Variants in MED13L observed in about 807,000 individuals in gnomAD.
MED13L encodes mediator complex subunit 13L, also known as mediator of RNA polymerase II transcription subunit 13-like.
In MED13L, 7 loss-of-function variants were observed where a neutral mutation model predicts 220.9. That is an observed-to-expected ratio of 0.03 (90% CI 0.02 to 0.06). The LOEUF (loss-of-function observed/expected upper bound fraction) is 0.06. Among genes scored for constraint, MED13L ranks in the 10% least tolerant of loss-of-function variants. The pLI, the probability that MED13L is intolerant of heterozygous loss-of-function variation, is 1.00. For synonymous variants in MED13L, 1,011 were observed against 1,015.2 expected (o/e 1.00, Z 0.08); for missense variants, 1,965 against 2,760.5 (o/e 0.71, Z 6.46).
At chr12:116,115,277 G>A (rs1251546692) in intron 2 of MED13L, among the ~76,000 whole-genome samples, 13 of 152,114 alleles carry the variant, frequency 8.5e-5, no homozygotes, top group South Asian at 2.1e-4. Context: ...CAACAAAGGT[G>A]CCAAGGCAAT....
chr12:116,253,160 G>T (rs777155273), intron 1 of MED13L, among the ~76,000 whole-genome samples: 7 of 150,396 alleles, frequency 4.7e-5, no homozygotes, highest in Non-Finnish European at 8.8e-5. Flanking sequence ...TACTTGGGAG[G>T]CTGAGGCAGG....
chr12:115,962,434 C>A (rs555846255), intron 30 of MED13L, among the ~76,000 whole-genome samples: 1 of 152,172 alleles, frequency 6.6e-6, no homozygotes, highest in Non-Finnish European at 1.5e-5. Context: ...TCACTTGCTA[C>A]TTACCGCATG....
chr12:116,007,296 G>C (rs1171144514), intron 11 of MED13L, 115 bp downstream of exon 11: 1 of 915,678 alleles, frequency 1.1e-6, no homozygotes. Flanking sequence ...TATGGGGACA[G>C]AGCAATCAGG....
rs1875725505 is a variant in MED13L, at chr12:115,961,058, T to A, written c.*208A>T. ...CTGAAAGTCACCACTTATGGAAGTT[T>A]CCAGGTCCATGAGAGAAGTGTCAAG... On this transcript the variant is annotated 3_prime_UTR_variant, in exon 31 of 31. Transcript: ENST00000281928. The A allele has an allele frequency of 1.5e-6, 1 of 683,694 alleles. No homozygotes were observed. 42.4% of individuals were successfully genotyped at this position (683,694 alleles called of 1,614,324 possible). A position where few individuals can be genotyped will look rare whatever the true frequency, so the allele number is the denominator to read the frequency against.
intron 1 of MED13L, among the ~76,000 whole-genome samples, chr12:116,274,806 TTC>T (rs1284374639): frequency 6.6e-6 from 1 of 152,036 alleles, no homozygotes; most frequent in South Asian, 2.1e-4. Flanking sequence ...TAAAAAATAA[TTC>T]TTTTTAAAAA....
chr12:115,968,724 A>G (rs999515167), intron 28 of MED13L, among the ~76,000 whole-genome samples: 1 of 152,264 alleles, frequency 6.6e-6, no homozygotes, highest in African/African-American at 2.4e-5. Context: ...TTCTTCTGAT[A>G]AAACTTATTC....
intron 17 of MED13L, among the ~76,000 whole-genome samples, chr12:115,989,716 GTA>G (rs1002320009): frequency 6.6e-5 from 10 of 152,044 alleles, no homozygotes. Context: ...AGGTATACAA[GTA>G]ACAAATCTGG....
At chr12:116,219,750 T>C (rs1173964317) in intron 2 of MED13L, among the ~76,000 whole-genome samples, 2 of 152,208 alleles carry the variant, frequency 1.3e-5, no homozygotes, top group Non-Finnish European at 2.9e-5. Context: ...AAAGCCATTT[T>C]TAAAGAAGTT....
rs545318919 is a variant in MED13L at position 115,991,311 on chromosome 12, T to A, written c.3643A>T (p.Thr1215Ser). The change falls in exon 17 of 31, where the codon ACC becomes TCC. Residue 1215 changes from threonine to serine, a missense_variant. By Grantham distance (58) the Thr-to-Ser change is moderately conservative (BLOSUM62 1). This residue lies in a region of MED13L where 165 missense variants were observed against 190.8 expected (regional missense o/e 0.86). Transcript: ENST00000281928. The surrounding 1 kb of genome is among the most constrained non-coding windows in gnomAD (Gnocchi z 7.7). Reference sequence around the variant, plus strand: ...ATGGGTGGCTCCTGGGGTTTTTTGGTTCCTTCCACCTGAGGAAGGAAGGTG... The same window carrying A: ...ATGGGTGGCTCCTGGGGTTTTTTGGATCCTTCCACCTGAGGAAGGAAGGTG... ...QSTFLPQVEG[T>S]KKPQEPPISL... 20 of 1,614,022 alleles carry A rather than the reference T, an allele frequency of 1.2e-5. No homozygotes were observed. In the South Asian group the frequency reaches 2.2e-4, roughly 18 times the overall value.
intron 2 of MED13L, among the ~76,000 whole-genome samples, chr12:116,134,101 CTGT>C (rs1876314674): frequency 6.6e-6 from 1 of 152,178 alleles, no homozygotes; most frequent in African/African-American, 2.4e-5. Flanking sequence ...ATAAAATAAA[CTGT>C]TTTTTGCTAC....
intron 2 of MED13L, among the ~76,000 whole-genome samples, chr12:116,123,984 T>A (rs1875320219): frequency 6.6e-6 from 1 of 152,188 alleles, no homozygotes; most frequent in African/African-American, 2.4e-5. Context: ...AGGGGAAAAC[T>A]GTAATCACCT....
intron 1 of MED13L, among the ~76,000 whole-genome samples, chr12:116,244,651 C>T (rs1870948080): frequency 6.6e-6 from 1 of 152,166 alleles, no homozygotes; most frequent in South Asian, 2.1e-4. Flanking sequence ...TGGTTAAAAG[C>T]CTGCTTAAAA....
intron 4 of MED13L, among the ~76,000 whole-genome samples, chr12:116,059,283 C>A (rs535200070): frequency 1.5e-4 from 23 of 152,288 alleles, no homozygotes; most frequent in African/African-American, 5.3e-4. Context: ...TGGTCTTGAA[C>A]TCCTGGGCTC....
intron 4 of MED13L, 73 bp downstream of exon 4, chr12:116,096,596 A>G (rs2137816278): frequency 1.8e-6 from 2 of 1,085,486 alleles, no homozygotes; most frequent in Non-Finnish European, 2.9e-6. Flanking sequence ...TAGGAAATAA[A>G]TAAATCAATA....
chr12:116,043,404 C>T (rs535735517), intron 4 of MED13L, among the ~76,000 whole-genome samples: 1 of 152,190 alleles, frequency 6.6e-6, no homozygotes, highest in East Asian at 1.9e-4. Context: ...TCACTGACTC[C>T]TCTCCGAATA....
chr12:116,163,537 G>C (rs1879037377), intron 2 of MED13L, among the ~76,000 whole-genome samples: 1 of 151,776 alleles, frequency 6.6e-6, no homozygotes, highest in Non-Finnish European at 1.5e-5. Flanking sequence ...GCTAATTTTT[G>C]TACTTTTAGT....
At chr12:116,276,308 T>TTGTGTGTGTGTGTGTGTGTG (rs372521434) in intron 1 of MED13L, 4 of 224,812 alleles carry the variant, frequency 1.8e-5, no homozygotes, top group Admixed American at 6.0e-5. Context: ...CTTGTTGCTT[T>TTGTGTGTGTGTGTGTGTGTG]TGTGTGTGTG....
intron 4 of MED13L, among the ~76,000 whole-genome samples, chr12:116,072,027 A>C (rs559338063): frequency 4.6e-5 from 7 of 152,346 alleles, no homozygotes; most frequent in African/African-American, 1.4e-4. Context: ...TGTTGCCTAA[A>C]CAATCCTGGC....
intron 2 of MED13L, among the ~76,000 whole-genome samples, chr12:116,189,322 T>G (rs1285502624): frequency 6.6e-6 from 1 of 152,122 alleles, no homozygotes; most frequent in African/African-American, 2.4e-5. Context: ...TCTTCGTATC[T>G]TTTGCCCATC....
Sources: allele counts gnomAD v4.1 joint callset (sites outside exome capture counted in the v4.1 genomes callset), GRCh38; gene constraint gnomAD v4.1.1; regional missense constraint gnomAD v4.1.1; non-coding constraint Gnocchi (gnomAD v3.1); transcripts MANE v1.5; gene names NCBI Gene and HGNC (gene_info 2026-07-23, HGNC 2026-07-21).